Variants in FA2H observed in about 807,000 individuals in gnomAD.
FA2H encodes fatty acid 2-hydroxylase, also known as fatty acid alpha-hydroxylase.
Under a neutral mutation model 44.9 loss-of-function variants are expected in FA2H, and 22 were observed. That is an observed-to-expected ratio of 0.49 (90% CI 0.35 to 0.70). FA2H has a LOEUF of 0.70. FA2H is among the 30% of genes least tolerant of loss of function. The probability of loss-of-function intolerance (pLI) is 0.01; values close to 1 mark genes in which losing one functional copy is unlikely to be tolerated. For synonymous variants in FA2H, 243 were observed against 213.2 expected (o/e 1.14, Z -1.22); for missense variants, 501 against 504.9 (o/e 0.99, Z 0.07).
rs59970650 is a variant in FA2H at position 74,744,708 on chromosome 16, T to A, written c.271-4593A>T. 5.9e-4 allele frequency among the ~76,000 whole-genome samples: 90 copies of A among 152,268 alleles called. No homozygotes were observed. The East Asian group carries it at 0.016, about 28-fold the overall frequency. On this transcript the variant is annotated intron_variant, in intron 1 of 6. Transcript: ENST00000219368. Reference sequence around the variant, plus strand: ...TTCAAGTGATCCTCCCACCTCAGCCTCCCAAATAGCTGGGACTATAGGTGT... The same window carrying A: ...TTCAAGTGATCCTCCCACCTCAGCCACCCAAATAGCTGGGACTATAGGTGT...
intron 2 of FA2H, among the ~76,000 whole-genome samples, chr16:74,733,470 C>T (rs901121263): frequency 3.3e-5 from 5 of 152,146 alleles, no homozygotes; most frequent in Non-Finnish European, 5.9e-5. Context: ...TAGCAGCCTC[C>T]ACACAGTTTC....
At chr16:74,729,388 T>C (rs1056119282) in intron 2 of FA2H, among the ~76,000 whole-genome samples, 3 of 152,204 alleles carry the variant, frequency 2.0e-5, no homozygotes, top group African/African-American at 7.2e-5. Context: ...GCGATCCTCC[T>C]GCCTCAGCCT....
At chr16:74,774,258 G>A (rs1597577414) in intron 1 of FA2H, among the ~76,000 whole-genome samples, 2 of 152,196 alleles carry the variant, frequency 1.3e-5, no homozygotes, top group Admixed American at 1.3e-4. Context: ...ACGGAGGCGG[G>A]CCAGGCGGTA....
chr16:74,714,468 T>C (rs1961650115), intron 6 of FA2H, among the ~76,000 whole-genome samples, 199 bp from the exon 7 acceptor site: 1 of 152,202 alleles, frequency 6.6e-6, no homozygotes, highest in South Asian at 2.1e-4. Flanking sequence ...AGCATGAAGC[T>C]GGAATAAACC....
At chr16:74,726,107 A>C in intron 4 of FA2H, 118 bp downstream of exon 4, 4 of 742,942 alleles carry the variant, frequency 5.4e-6, no homozygotes, top group Non-Finnish European at 9.7e-6. Context: ...GGCTTCACCA[A>C]AAATGTCTGT....
At chr16:74,742,521 C>T (rs1441715817) in intron 1 of FA2H, among the ~76,000 whole-genome samples, 2 of 152,176 alleles carry the variant, frequency 1.3e-5, no homozygotes, top group African/African-American at 4.8e-5. Flanking sequence ...AGATTGCCAG[C>T]GTTTTATTTT....
chr16:74,725,758 C>CCT (rs2144615314), intron 4 of FA2H, among the ~76,000 whole-genome samples: 1 of 152,292 alleles, frequency 6.6e-6, no homozygotes, highest in South Asian at 2.1e-4. Flanking sequence ...GCTGCCTGAG[C>CCT]CTTTGCCTTG....
intron 5 of FA2H, among the ~76,000 whole-genome samples, chr16:74,718,229 T>A (rs985562832): frequency 6.6e-6 from 1 of 152,230 alleles, no homozygotes; most frequent in Non-Finnish European, 1.5e-5. Context: ...CATCAGGGTC[T>A]AAACTGGTGT....
chr16:74,774,427 C>T (rs1962968958), intron 1 of FA2H, 59 bp downstream of exon 1: 2 of 1,446,916 alleles, frequency 1.4e-6, no homozygotes, highest in Admixed American at 2.5e-5. Context: ...GGGGCTCGCC[C>T]GGGAGTGGAA....
chr16:74,770,272 G>T (rs1231417622), intron 1 of FA2H, among the ~76,000 whole-genome samples: 1 of 152,228 alleles, frequency 6.6e-6, no homozygotes, highest in Non-Finnish European at 1.5e-5. Flanking sequence ...TTGCTAGAAG[G>T]GCTTAGCTAG....
At chr16:74,772,212 T>C (rs1203998840) in intron 1 of FA2H, among the ~76,000 whole-genome samples, 2 of 152,162 alleles carry the variant, frequency 1.3e-5, no homozygotes, top group East Asian at 3.9e-4. Context: ...TTTTACTATG[T>C]CAAGCTCTTC....
intron 2 of FA2H, among the ~76,000 whole-genome samples, chr16:74,737,920 C>G (rs1962213907): frequency 6.6e-6 from 1 of 152,262 alleles, no homozygotes; most frequent in South Asian, 2.1e-4. Flanking sequence ...CCCAGCCTCT[C>G]TGTTCCCACT....
chr16:74,720,180 C>CATTTTTTTTTTT (rs1961802434), intron 4 of FA2H, among the ~76,000 whole-genome samples: 1 of 47,198 alleles, frequency 2.1e-5, no homozygotes, highest in Non-Finnish European at 3.7e-5. Context: ...CATCCTCATC[C>CATTTTTTTTTTT]TTTTTTTTTT....
chr16:74,713,203 A>G lies in FA2H; in HGVS notation c.*987T>C, dbSNP rs945846097. The G allele has an allele frequency of 1.3e-5, 2 of 152,656 alleles. No homozygotes were observed. Among genetic ancestry groups the G allele is most frequent in the Admixed American group, 1.3e-4 (2 of 15,280 alleles). 9.5% of individuals were successfully genotyped at this position (152,656 alleles called of 1,614,324 possible). On this transcript the variant is annotated 3_prime_UTR_variant, in exon 7 of 7. Coordinates refer to ENST00000219368, the MANE Select transcript of FA2H (RefSeq NM_024306.5). ...CAGGAGGAAACAACATTTTTTACAT[A>G]AGCTCAACATGTAGGATTAGAAAGG...
At chr16:74,715,744 A>C (rs1961677638) in intron 6 of FA2H, among the ~76,000 whole-genome samples, 1 of 152,046 alleles carries the variant, frequency 6.6e-6, no homozygotes, top group Non-Finnish European at 1.5e-5. Context: ...ATAATATGTC[A>C]GTGGAAATCG....
At chr16:74,724,404 C>G (rs62051071) in intron 4 of FA2H, among the ~76,000 whole-genome samples, 1 of 152,130 alleles carries the variant, frequency 6.6e-6, no homozygotes, top group African/African-American at 2.4e-5. Flanking sequence ...CCCTTTCCCC[C>G]GTCTCCTCAG....
At chr16:74,726,406 G>C (rs1480047130) in intron 3 of FA2H, 75 bp from the exon 4 acceptor site, 15 of 895,994 alleles carry the variant, frequency 1.7e-5, no homozygotes, top group Non-Finnish European at 2.5e-5. Flanking sequence ...TTTTTTTTTT[G>C]AGACGGAGTT....
chr16:74,748,175 T>C (rs994851249), intron 1 of FA2H, among the ~76,000 whole-genome samples: 12 of 152,236 alleles, frequency 7.9e-5, no homozygotes, highest in Admixed American at 2.6e-4. Context: ...GGCGGCCTTG[T>C]TCCCCTTCTT....
chr16:74,726,487 C>T (rs558740145), intron 3 of FA2H, among the ~76,000 whole-genome samples, 156 bp from the exon 4 acceptor site: 1 of 152,260 alleles, frequency 6.6e-6, no homozygotes, highest in Admixed American at 6.5e-5. Flanking sequence ...CTCTGGGGTT[C>T]AAGTGACTCT....
Sources: gnomAD v4.1 joint callset for allele counts (sites outside exome capture counted in the v4.1 genomes callset) on GRCh38, gnomAD v4.1.1 for gene constraint, MANE v1.5 for transcripts, NCBI Gene and HGNC (gene_info 2026-07-23, HGNC 2026-07-21) for gene names.